GALNT17: variants seen among roughly 807,000 people sequenced by gnomAD.
The protein encoded by GALNT17 is polypeptide N-acetylgalactosaminyltransferase 17.
Under a neutral mutation model 63.7 loss-of-function variants are expected in GALNT17, and 29 were observed. The observed-to-expected ratio is 0.46, with a 90% CI of 0.34 to 0.62. GALNT17 has a LOEUF of 0.62. Among genes scored for constraint, GALNT17 ranks in the 20% least tolerant of loss-of-function variants. The probability of loss-of-function intolerance (pLI) is 0.01; values close to 1 mark genes in which losing one functional copy is unlikely to be tolerated. For synonymous variants in GALNT17, 305 were observed against 318.3 expected, an observed-to-expected ratio of 0.96 and a Z score of 0.45; for missense variants, 603 against 799.6, an observed-to-expected ratio of 0.75 and a Z score of 2.97.
chr7:71,378,549 C>T (rs1023191424), intron 2 of GALNT17, among the ~76,000 whole-genome samples: 7 of 152,204 alleles, frequency 4.6e-5, no homozygotes, highest in Admixed American at 2.6e-4. Flanking sequence ...GAGGTGCCAT[C>T]ACTGATGCTT....
At chr7:71,214,334 A>G (rs1306431718) in intron 1 of GALNT17, among the ~76,000 whole-genome samples, 14 of 152,164 alleles carry the variant, frequency 9.2e-5, no homozygotes, top group Admixed American at 9.2e-4. Flanking sequence ...GGGTTTGTTT[A>G]TGTCACTAAA....
chr7:71,616,423 TA>T (rs1352639090), intron 6 of GALNT17, among the ~76,000 whole-genome samples: 1 of 149,860 alleles, frequency 6.7e-6, no homozygotes, highest in African/African-American at 2.4e-5. Flanking sequence ...CTCCTGGAAA[TA>T]TTTTTTTATT....
intron 2 of GALNT17, among the ~76,000 whole-genome samples, chr7:71,379,789 T>C (rs1360887779): frequency 2.6e-5 from 4 of 152,066 alleles, no homozygotes; most frequent in African/African-American, 9.7e-5. Context: ...GAGCTGAAGT[T>C]TCAGTGAAGG....
intron 1 of GALNT17, among the ~76,000 whole-genome samples, chr7:71,321,813 C>T (rs1423326764): frequency 3.3e-5 from 5 of 150,156 alleles, no homozygotes; most frequent in Non-Finnish European, 4.4e-5. Context: ...ATTACAGGCA[C>T]GAGCCACCAC....
chr7:71,310,479 G>A (rs760085892), intron 1 of GALNT17, among the ~76,000 whole-genome samples: 2 of 152,174 alleles, frequency 1.3e-5, no homozygotes, highest in Non-Finnish European at 2.9e-5. Flanking sequence ...TTGTGCAAAA[G>A]TAATTGTTTT....
chr7:71,688,488 A>G (rs182724453), intron 9 of GALNT17, among the ~76,000 whole-genome samples: 254 of 152,204 alleles, frequency 1.7e-3, no homozygotes, highest in Non-Finnish European at 1.2e-3. Context: ...TTTCTCTGCC[A>G]TCTGCTTTGC....
intron 6 of GALNT17, among the ~76,000 whole-genome samples, chr7:71,626,768 A>C (rs1790381941): frequency 6.6e-6 from 1 of 152,238 alleles, no homozygotes; most frequent in African/African-American, 2.4e-5. Flanking sequence ...AGAGAAATCA[A>C]GAAATGAAGT....
intron 1 of GALNT17, among the ~76,000 whole-genome samples, chr7:71,200,859 A>T (rs1243799247): frequency 2.6e-5 from 4 of 152,080 alleles, no homozygotes; most frequent in African/African-American, 7.2e-5. Context: ...ATCTAGACTC[A>T]GAAAACAAAA....
chr7:71,189,401 G>A (rs1415266587), intron 1 of GALNT17, among the ~76,000 whole-genome samples: 4 of 152,100 alleles, frequency 2.6e-5, no homozygotes, highest in East Asian at 3.9e-4. Flanking sequence ...CAGCTTTTCC[G>A]GGGGTCCTTC....
At chr7:71,171,154 G>A (rs1240238858) in intron 1 of GALNT17, among the ~76,000 whole-genome samples, 3 of 152,208 alleles carry the variant, frequency 2.0e-5, no homozygotes, top group Non-Finnish European at 4.4e-5. Context: ...TTACTCAAAA[G>A]TGGATGTGCT....
At chr7:71,355,619 G>A (rs1381941590) in intron 2 of GALNT17, among the ~76,000 whole-genome samples, 1 of 151,816 alleles carries the variant, frequency 6.6e-6, no homozygotes, top group Admixed American at 6.6e-5. Flanking sequence ...TGCAACCTCT[G>A]CTTCCCAGGT....
At chr7:71,334,922 A>T (rs763682950) in intron 1 of GALNT17, among the ~76,000 whole-genome samples, 12 of 152,208 alleles carry the variant, frequency 7.9e-5, no homozygotes, top group Non-Finnish European at 1.6e-4. Flanking sequence ...TTTGGCAGTT[A>T]TCTGTGACTT....
At chr7:71,212,348 G>A (rs1384792796) in intron 1 of GALNT17, among the ~76,000 whole-genome samples, 1 of 152,248 alleles carries the variant, frequency 6.6e-6, no homozygotes, top group Admixed American at 6.5e-5. Context: ...CCCCCACCTA[G>A]ATTTTAAAAG....
At chr7:71,631,435 C>G (rs1445268968) in intron 6 of GALNT17, among the ~76,000 whole-genome samples, 1 of 151,794 alleles carries the variant, frequency 6.6e-6, no homozygotes. Context: ...AGCTATCATC[C>G]CTTATTGGCC....
At chr7:71,604,727 C>G (rs1025183304) in intron 6 of GALNT17, among the ~76,000 whole-genome samples, 1 of 152,158 alleles carries the variant, frequency 6.6e-6, no homozygotes, top group African/African-American at 2.4e-5. Flanking sequence ...ATAGCACAAG[C>G]CCAAGTCCTC....
chr7:71,230,453 GAAC>G (rs1789767339), intron 1 of GALNT17, among the ~76,000 whole-genome samples: 3 of 152,258 alleles, frequency 2.0e-5, no homozygotes, highest in African/African-American at 7.2e-5. Flanking sequence ...AGCATCAGGA[GAAC>G]AACAGCTTTC....
At chr7:71,295,521 T>TCTCCCTTCCTTCCTTTCCCTTCCCC (rs1350030293) in intron 1 of GALNT17, among the ~76,000 whole-genome samples, 1 of 151,652 alleles carries the variant, frequency 6.6e-6, no homozygotes, top group Non-Finnish European at 1.5e-5. Flanking sequence ...TTCCTTTCTC[T>TCTCCCTTCCTTCCTTTCCCTTCCCC]CTCCCTTCCT....
intron 2 of GALNT17, among the ~76,000 whole-genome samples, chr7:71,342,375 CA>C (rs1032166612): frequency 4.6e-5 from 7 of 152,254 alleles, no homozygotes; most frequent in South Asian, 4.1e-4. Context: ...GGCACTAAGC[CA>C]TTTATGGAGA....
intron 5 of GALNT17, among the ~76,000 whole-genome samples, chr7:71,517,835 C>T (rs566974647): frequency 2.0e-5 from 3 of 152,138 alleles, no homozygotes; most frequent in Non-Finnish European, 4.4e-5. Flanking sequence ...TAAACAAAAA[C>T]AGAAAACCTG....
Sources: gnomAD v4.1 joint callset for allele counts (sites outside exome capture counted in the v4.1 genomes callset) on GRCh38, gnomAD v4.1.1 for gene constraint, MANE v1.5 for transcripts, NCBI Gene and HGNC (gene_info 2026-07-23, HGNC 2026-07-21) for gene names.